The following UBR4 variants were observed in gnomAD, a reference collection of about 807,000 sequenced individuals.
UBR4 encodes ubiquitin protein ligase E3 component n-recognin 4.
A neutral mutation model predicts 575.6 loss-of-function variants in UBR4; 124 were observed. That is an observed-to-expected ratio of 0.22 (90% CI 0.19 to 0.25). The LOEUF (loss-of-function observed/expected upper bound fraction) is 0.25, where lower values mean the gene tolerates loss of function less well. UBR4 is among the 10% of genes least tolerant of loss of function. The pLI is 1.00. For missense variants in UBR4, 4,818 were observed against 6,478.8 expected (o/e 0.74, Z 8.80); for synonymous variants, 2,455 against 2,473.7 (o/e 0.99, Z 0.22).
Position 19,184,065 on chromosome 1 carries a change from C to T in UBR4, c.2049G>A (p.Met683Ile), listed in dbSNP as rs1359711598. The change falls in exon 16 of 106, where the codon ATG becomes ATA. Residue 683 changes from methionine (M) to isoleucine (I), a missense_variant. Around this residue, in one of 29 missense-constraint regions of UBR4, gnomAD observed 1,172 missense variants for 1,259.7 expected, o/e 0.93. Transcript: ENST00000375254. ...CCTTGATGATACTGGCTAGGGTGGC[C>T]ATATGGTGTTCTGAAAGAGATACAC... ...YLSVSLSEHH[M>I]ATLASIIKEV... 1 of 1,614,144 alleles carries T rather than the reference C, an allele frequency of 6.2e-7. No individual in the cohort carries two copies. The highest frequency in any genetic ancestry group is 8.5e-7 in the Non-Finnish European group (1 of 1,180,032).
intron 39 of UBR4, 28 bp downstream of exon 39, chr1:19,160,083 C>A: frequency 6.3e-7 from 1 of 1,596,940 alleles, no homozygotes; most frequent in Non-Finnish European, 8.6e-7. Flanking sequence ...CCCACAGCCA[C>A]CAAACATCAT....
chr1:19,177,114 A>C (rs2090345933), intron 19 of UBR4, among the ~76,000 whole-genome samples: 1 of 152,194 alleles, frequency 6.6e-6, no homozygotes, highest in South Asian at 2.1e-4. Context: ...CAATCCATAA[A>C]ATTTACTACT....
At chr1:19,205,250 T>C (rs921670666) in intron 1 of UBR4, among the ~76,000 whole-genome samples, 8 of 152,276 alleles carry the variant, frequency 5.3e-5, no homozygotes, top group African/African-American at 1.4e-4. Context: ...ATTTGATGTG[T>C]AAGTAAAAAA....
At chr1:19,128,947 C>G in intron 61 of UBR4, 31 bp downstream of exon 61, 1 of 1,601,082 alleles carries the variant, frequency 6.2e-7, no homozygotes, top group South Asian at 1.1e-5. Context: ...CAATCATGAC[C>G]TGACAGAGAT....
At chr1:19,192,144 G>C in intron 11 of UBR4, 44 bp downstream of exon 11, 1 of 1,581,438 alleles carries the variant, frequency 6.3e-7, no homozygotes, top group Non-Finnish European at 8.6e-7. Context: ...TAAAATGTTA[G>C]CGAAATAAAA....
At chr1:19,083,288 C>A (rs1046655699) in intron 102 of UBR4, among the ~76,000 whole-genome samples, 3 of 152,066 alleles carry the variant, frequency 2.0e-5, no homozygotes, top group African/African-American at 4.8e-5. Flanking sequence ...AACAATGAAG[C>A]CTGTGGTCTC....
At position 19,122,872 on chromosome 1, in the gene UBR4, G is replaced by T; in HGVS notation, c.9777C>A (p.Ser3259Arg). ...IFLRASVVTA[S>R]SGSALQYDTL... ...TGTCATATTGCAAGGCGGAGCCTGAGCTGGCTGTAACCACACTTGCCCGGA... is the reference window on the plus strand; with the variant it reads ...TGTCATATTGCAAGGCGGAGCCTGATCTGGCTGTAACCACACTTGCCCGGA... Residue 3259 changes from serine (S) to arginine (R), a missense_variant, in exon 66 of 106, where the codon AGC becomes AGA. Physicochemically the swap from Ser to Arg is moderately radical, Grantham distance 110 (BLOSUM62 -1). Coordinates refer to ENST00000375254, the MANE Select transcript of UBR4 (RefSeq NM_020765.3). The T allele has an allele frequency of 6.2e-7, 1 of 1,614,254 alleles. No homozygotes were observed. Among genetic ancestry groups the T allele is most frequent in the Non-Finnish European group, 8.5e-7 (1 of 1,180,038 alleles).
Position 19,184,020 on chromosome 1 carries a change from G to C in UBR4, c.2094C>G (p.Leu698=), listed in dbSNP as rs113961639. ...SIIKEVDKDG[L]KGSSDEEFAA... is the part of the protein sequence containing the mutation. ...GCACATATCTTGTCTACTGACCCTT[G>C]AGTCCATCTTTGTCCACCTCCTTGA... Residue 698 remains leucine, a synonymous_variant, in exon 16 of 106, where the codon CTC becomes CTG. Coordinates refer to ENST00000375254, the MANE Select transcript of UBR4 (RefSeq NM_020765.3). 4.4e-5 allele frequency: 71 copies of C among 1,614,000 alleles called. 1 individual carries two copies. The highest frequency in any genetic ancestry group is 4.3e-4 in the African/African-American group (32 of 74,918).
rs769392479 is a variant in UBR4 at position 19,074,772 on chromosome 1, A to G, written c.*60T>C. 1 of 1,575,728 alleles carries G rather than the reference A, an allele frequency of 6.3e-7. No individual in the cohort carries two copies. The highest frequency in any genetic ancestry group is 8.7e-7 in the Non-Finnish European group (1 of 1,149,662). ...GAGGGAACTTAATGCACAAGGAGGG[A>G]GAACAGAGGGTGGAAGGCAAGCCAG... On this transcript the variant is annotated 3_prime_UTR_variant, in exon 106 of 106. Coordinates refer to ENST00000375254, the MANE Select transcript of UBR4 (RefSeq NM_020765.3).
intron 104 of UBR4, among the ~76,000 whole-genome samples, chr1:19,077,492 G>C (rs1414062812): frequency 6.6e-6 from 1 of 152,226 alleles, no homozygotes; most frequent in East Asian, 1.9e-4. Context: ...GCAGCACTTT[G>C]GGAGGCCAAG....
intron 61 of UBR4, 103 bp downstream of exon 61, chr1:19,128,875 A>G: frequency 1.0e-6 from 1 of 979,272 alleles, no homozygotes; most frequent in South Asian, 1.4e-5. Flanking sequence ...TCTGTGGCCT[A>G]ACACCAAACG....
intron 52 of UBR4, among the ~76,000 whole-genome samples, chr1:19,146,614 G>A (rs1281397158): frequency 1.3e-5 from 2 of 152,106 alleles, no homozygotes; most frequent in Non-Finnish European, 2.9e-5. Context: ...ATAAACTCAA[G>A]GATAATCGAA....
Position 19,169,390 on chromosome 1 carries a change from T to C in UBR4, c.3741+45A>G, listed in dbSNP as rs138485755. On this transcript the variant is annotated intron_variant, in intron 27 of 105. Transcript: ENST00000375254. The stretch of plus-strand genomic sequence containing the variant: ...TTAGGCTTAAGAACAAAAGACAGAA[T>C]GGCTAGCACTCAGTATTTCTACCCT... 3.3e-5 allele frequency: 51 copies of C among 1,527,064 alleles called. No individual in the cohort carries two copies. In the African/African-American group the frequency reaches 5.5e-4, roughly 17 times the overall value. The allele number at this position is 1,527,064 out of a possible 1,614,324, so 94.6% of individuals were successfully genotyped here. A position where few individuals can be genotyped will look rare whatever the true frequency, so the allele number is the denominator to read the frequency against.
At chr1:19,144,183 A>G in intron 54 of UBR4, 92 bp from the exon 55 acceptor site, 3 of 1,157,662 alleles carry the variant, frequency 2.6e-6, no homozygotes, top group Non-Finnish European at 3.8e-6. Flanking sequence ...ACTCACTCAC[A>G]TGCAAGTGGA....
Position 19,191,549 on chromosome 1 carries a change from A to G in UBR4, c.1394+639T>C, listed in dbSNP as rs555535179. Among the ~76,000 whole-genome samples, 599 of 152,260 alleles carry G rather than the reference A, an allele frequency of 3.9e-3. 3 individuals carry two copies. Among genetic ancestry groups the G allele is most frequent in the African/African-American group, 0.013 (532 of 41,544 alleles). ...ATCTTTTTCTTCACAACGTTTATAT[A>G]TGATTATCTATAATCTACTCGTTAA... On this transcript the variant is annotated intron_variant, in intron 11 of 105. Coordinates refer to ENST00000375254, the MANE Select transcript of UBR4 (RefSeq NM_020765.3).
At chr1:19,190,312 A>AAAAAAATATATATATATAT in intron 11 of UBR4, among the ~76,000 whole-genome samples, 149 of 79,774 alleles carry the variant, frequency 1.9e-3, no homozygotes, top group Non-Finnish European at 2.5e-3. Flanking sequence ...AAAAAAAAAA[A>AAAAAAATATATATATATAT]ATATATATAT....
intron 1 of UBR4, among the ~76,000 whole-genome samples, chr1:19,206,389 G>A (rs978272783): frequency 2.6e-5 from 4 of 151,248 alleles, no homozygotes; most frequent in East Asian, 3.9e-4. Flanking sequence ...GCAATGGTGC[G>A]ATCTCAGCTC....
rs2079483491 is a variant in UBR4, at chr1:19,108,496, GCTTT to G, written c.12106-1534_12106-1531del. Among the ~76,000 whole-genome samples, 7 of 152,208 alleles carry G rather than the reference GCTTT, an allele frequency of 4.6e-5. 1 individual carries two copies. On this transcript the variant is annotated intron_variant, in intron 81 of 105. Transcript: ENST00000375254. ...GCTGTACTTGGGGTGCAGCAGAGGC[GCTTT>G]CTGTGTACTCATTTTGTCACACTGA... is the stretch of plus-strand genomic sequence containing the variant.
intron 49 of UBR4, chr1:19,149,741 A>G (rs895222700): frequency 7.7e-7 from 1 of 1,301,926 alleles, no homozygotes; most frequent in Non-Finnish European, 1.0e-6. Flanking sequence ...TCGTGCAGAG[A>G]AAAGAAAGAG....
Sources: gnomAD v4.1 joint callset for allele counts (sites outside exome capture counted in the v4.1 genomes callset) on GRCh38, gnomAD v4.1.1 for gene constraint, gnomAD v4.1.1 regional missense constraint, MANE v1.5 for transcripts, NCBI Gene and HGNC (gene_info 2026-07-23, HGNC 2026-07-21) for gene names.